Variants in VSNL1 observed in about 807,000 individuals in gnomAD.
VSNL1 encodes the protein visinin like 1.
VSNL1 carries 6 observed loss-of-function variants against 20.4 expected under a neutral mutation model. The ratio of observed to expected loss-of-function variants is 0.29; its 90% CI spans 0.16 to 0.58. The LOEUF is 0.58. Ranked by LOEUF, VSNL1 falls within the 20% of genes least tolerant of loss-of-function variation. The pLI, the probability that VSNL1 is intolerant of heterozygous loss-of-function variation, is 0.90. For missense variants in VSNL1, 100 were observed against 234.5 expected (o/e 0.43, Z 3.75); for synonymous variants, 93 against 86.4 (o/e 1.08, Z -0.42).
chr2:17,616,788 T>C (rs991625845), intron 2 of VSNL1, among the ~76,000 whole-genome samples: 2 of 152,232 alleles, frequency 1.3e-5, no homozygotes, highest in Non-Finnish European at 2.9e-5. Context: ...TTCAGAGCTA[T>C]ACAGCCCCAG....
chr2:17,643,779 G>C (rs1226117678), intron 2 of VSNL1, among the ~76,000 whole-genome samples: 1 of 152,190 alleles, frequency 6.6e-6, no homozygotes, highest in Non-Finnish European at 1.5e-5. Context: ...GAAGGAACAG[G>C]GGTTCACTGG....
chr2:17,639,807 C>T (rs1423068338), intron 2 of VSNL1, among the ~76,000 whole-genome samples: 3 of 152,184 alleles, frequency 2.0e-5, no homozygotes, highest in African/African-American at 7.2e-5. Flanking sequence ...AAGGGAAGCC[C>T]AATGCCCCTA....
At chr2:17,543,195 G>C (rs549711396) in intron 1 of VSNL1, among the ~76,000 whole-genome samples, 61 of 152,062 alleles carry the variant, frequency 4.0e-4, no homozygotes, top group African/African-American at 1.4e-3. Context: ...CCACCTCTTT[G>C]GATGTTTAGT....
At chr2:17,565,716 A>C (rs1172647980) in intron 1 of VSNL1, among the ~76,000 whole-genome samples, 1 of 152,210 alleles carries the variant, frequency 6.6e-6, no homozygotes, top group East Asian at 1.9e-4. Context: ...GAGTTCATGT[A>C]ATATTATTCA....
chr2:17,616,149 G>A (rs1665211366), intron 2 of VSNL1, among the ~76,000 whole-genome samples: 1 of 152,238 alleles, frequency 6.6e-6, no homozygotes, highest in South Asian at 2.1e-4. Context: ...TCACATGGGT[G>A]GCTCACAGTC....
Position 17,603,361 on chromosome 2 carries a change from A to G in VSNL1, c.162+11125A>G, listed in dbSNP as rs774914814. 1.3e-3 allele frequency among the ~76,000 whole-genome samples: 195 copies of G among 152,218 alleles called. 1 individual carries two copies. The highest frequency in any genetic ancestry group is 2.1e-3 in the Non-Finnish European group (140 of 68,042). ...GTGTCCTCACATGGTGAAAGAGGCCAGTGAGCTCTCCGAGGCCTCTTTTAT... is the reference window on the plus strand; with the variant it reads ...GTGTCCTCACATGGTGAAAGAGGCCGGTGAGCTCTCCGAGGCCTCTTTTAT... On this transcript the variant is annotated intron_variant, in intron 2 of 3. Coordinates refer to ENST00000295156, the MANE Select transcript of VSNL1 (RefSeq NM_003385.5).
At chr2:17,638,399 CTT>C (rs900859186) in intron 2 of VSNL1, among the ~76,000 whole-genome samples, 3 of 152,198 alleles carry the variant, frequency 2.0e-5, no homozygotes, top group African/African-American at 7.2e-5. Flanking sequence ...ATGTTGAAGA[CTT>C]TGCAGATTTA....
At chr2:17,650,069 T>C (rs1342951514) in intron 3 of VSNL1, among the ~76,000 whole-genome samples, 1 of 152,160 alleles carries the variant, frequency 6.6e-6, no homozygotes, top group Non-Finnish European at 1.5e-5. Flanking sequence ...TAACCCAGGA[T>C]TCCTCTGCCA....
chr2:17,557,406 A>C (rs1663711547), intron 1 of VSNL1, among the ~76,000 whole-genome samples: 1 of 152,214 alleles, frequency 6.6e-6, no homozygotes, highest in Non-Finnish European at 1.5e-5. Context: ...CCCTGCCTTC[A>C]TGGAGATTAG....
chr2:17,598,598 G>A (rs1185880850), intron 2 of VSNL1, among the ~76,000 whole-genome samples: 1 of 152,186 alleles, frequency 6.6e-6, no homozygotes, highest in Admixed American at 6.5e-5. Context: ...TCTTAACCTG[G>A]AAGTATGTTT....
chr2:17,609,608 A>G (rs1460646616), intron 2 of VSNL1, among the ~76,000 whole-genome samples: 2 of 152,200 alleles, frequency 1.3e-5, no homozygotes, highest in East Asian at 1.9e-4. Flanking sequence ...ACAAGCAGGA[A>G]TGGACTCACT....
At chr2:17,595,604 T>A (rs1281115601) in intron 2 of VSNL1, among the ~76,000 whole-genome samples, 1 of 152,220 alleles carries the variant, frequency 6.6e-6, no homozygotes, top group East Asian at 1.9e-4. Context: ...CCCAAATTCA[T>A]ATGTTGAAGT....
At chr2:17,650,841 G>A (rs1479164815) in intron 3 of VSNL1, among the ~76,000 whole-genome samples, 1 of 152,104 alleles carries the variant, frequency 6.6e-6, no homozygotes, top group Admixed American at 6.6e-5. Context: ...CTTCTTCTCC[G>A]TTGGCTTCTC....
At chr2:17,553,046 T>C (rs1663581971) in intron 1 of VSNL1, among the ~76,000 whole-genome samples, 1 of 150,742 alleles carries the variant, frequency 6.6e-6, no homozygotes, top group African/African-American at 2.4e-5. Context: ...AAGTCTCCTA[T>C]AAAAAGAGGG....
intron 2 of VSNL1, among the ~76,000 whole-genome samples, chr2:17,633,479 A>G (rs183834154): frequency 6.6e-6 from 1 of 151,318 alleles, no homozygotes; most frequent in Non-Finnish European, 1.5e-5. Context: ...AGATTACACC[A>G]CTGCACTCCA....
intron 1 of VSNL1, among the ~76,000 whole-genome samples, chr2:17,575,663 G>A (rs1258535096): frequency 6.6e-6 from 1 of 151,942 alleles, no homozygotes; most frequent in Non-Finnish European, 1.5e-5. Flanking sequence ...AGACTCCCGA[G>A]TAGCTGGAAT....
At chr2:17,560,790 G>A (rs189488457) in intron 1 of VSNL1, among the ~76,000 whole-genome samples, 6 of 152,264 alleles carry the variant, frequency 3.9e-5, no homozygotes, top group Non-Finnish European at 8.8e-5. Flanking sequence ...CATTAACATA[G>A]AAATTTGCCA....
At position 17,650,094 on chromosome 2, in the gene VSNL1, T is replaced by A. The variant is rs564583765; in HGVS notation, c.378+469T>A. On this transcript the variant is annotated intron_variant, in intron 3 of 3. Transcript: ENST00000295156. ...TTCCTCTGCCACGCCACCCACTGCG[T>A]ACTGCATTCCCAATGTGAAGGTCTT... Among the ~76,000 whole-genome samples, 10 of 152,340 alleles carry A rather than the reference T, an allele frequency of 6.6e-5. No individual in the cohort carries two copies. In the South Asian group the frequency reaches 2.1e-3, roughly 32 times the overall value.
At chr2:17,631,614 T>A (rs190241356) in intron 2 of VSNL1, among the ~76,000 whole-genome samples, 42 of 152,300 alleles carry the variant, frequency 2.8e-4, no homozygotes, top group Admixed American at 2.5e-3. Context: ...CACTTTAAGG[T>A]ATTAATAACA....
Sources: gnomAD v4.1 joint callset for allele counts (sites outside exome capture counted in the v4.1 genomes callset) on GRCh38, gnomAD v4.1.1 for gene constraint, MANE v1.5 for transcripts, NCBI Gene and HGNC (gene_info 2026-07-23, HGNC 2026-07-21) for gene names.